The following PKN2 variants were observed in gnomAD, a reference collection of about 807,000 sequenced individuals.
PKN2 encodes the protein protein kinase N2.
A neutral mutation model predicts 119.1 loss-of-function variants in PKN2; 38 were observed. That is an observed-to-expected ratio of 0.32 (90% CI 0.25 to 0.42). The LOEUF is 0.42. Among genes scored for constraint, PKN2 ranks in the 10% least tolerant of loss-of-function variants. The probability of loss-of-function intolerance (pLI) is 1.00; values close to 1 mark genes in which losing one functional copy is unlikely to be tolerated. For missense variants in PKN2, 850 were observed against 1,165.1 expected, an observed-to-expected ratio of 0.73 and a Z score of 3.94; for synonymous variants, 390 against 384.9, an observed-to-expected ratio of 1.01 and a Z score of -0.15.
chr1:88,745,731 A>G (rs967852112), intron 2 of PKN2, among the ~76,000 whole-genome samples: 9 of 152,178 alleles, frequency 5.9e-5, no homozygotes, highest in Non-Finnish European at 7.4e-5. Context: ...CAGAAATAGA[A>G]AAAGAAATCC....
intron 1 of PKN2, among the ~76,000 whole-genome samples, chr1:88,721,323 G>A (rs1220818788): frequency 6.6e-6 from 1 of 152,018 alleles, no homozygotes; most frequent in Non-Finnish European, 1.5e-5. Context: ...CATTCTTGAA[G>A]GAATGGCCTT....
Position 88,760,364 on chromosome 1 carries a change from T to C in PKN2, c.492T>C (p.Asn164=). The change falls in exon 3 of 22, where the codon AAT becomes AAC. Residue 164 remains asparagine (N), a synonymous_variant. Transcript: ENST00000370521. ...AGAATATGATACAGATGTATTCAAATGGATCTTCAAAGGTAAGTGTAGTTA... is the reference window on the plus strand; with the variant it reads ...AGAATATGATACAGATGTATTCAAACGGATCTTCAAAGGTAAGTGTAGTTA... ...GAENMIQMYS[N]GSSKDRKLHG... is the part of the protein sequence containing the mutation. The C allele has an allele frequency of 1.3e-6, 2 of 1,525,704 alleles. No individual in the cohort carries two copies. The highest frequency in any genetic ancestry group is 1.8e-6 in the Non-Finnish European group (2 of 1,115,350). 94.5% of individuals were successfully genotyped at this position (1,525,704 alleles called of 1,614,324 possible).
chr1:88,732,351 C>G (rs1465706310), intron 1 of PKN2, among the ~76,000 whole-genome samples: 1 of 152,094 alleles, frequency 6.6e-6, no homozygotes, highest in Non-Finnish European at 1.5e-5. Flanking sequence ...CTTAATTTAT[C>G]TTTCCCTCTA....
chr1:88,769,931 A>T (rs745419098), intron 3 of PKN2, among the ~76,000 whole-genome samples: 2 of 152,196 alleles, frequency 1.3e-5, no homozygotes, highest in South Asian at 4.1e-4. Context: ...AAAATATGCT[A>T]AGAGAGTAAA....
intron 1 of PKN2, among the ~76,000 whole-genome samples, chr1:88,686,765 T>C (rs1022983709): frequency 2.0e-5 from 3 of 152,124 alleles, no homozygotes; most frequent in Non-Finnish European, 4.4e-5. Context: ...AGACTTTTTA[T>C]TTCATTGGGT....
chr1:88,702,900 G>A (rs1243195900), intron 1 of PKN2, among the ~76,000 whole-genome samples: 2 of 152,140 alleles, frequency 1.3e-5, no homozygotes, highest in African/African-American at 2.4e-5. Context: ...TTTCTTTATT[G>A]TTGTGGTCAG....
chr1:88,685,325 T>G (rs1184383055), intron 1 of PKN2: 1 of 151,650 alleles, frequency 6.6e-6, no homozygotes, highest in Admixed American at 6.6e-5. Context: ...ATCCGGGAGC[T>G]CAGATGCTGA....
At position 88,804,385 on chromosome 1, in the gene PKN2, T is replaced by A; in HGVS notation, c.1282-6T>A. ...TTTTCTTTATTATTTTTTTTAATTATCCTAGTCACGTGAACTGGAAATTTC... is the reference window on the plus strand; with the variant it reads ...TTTTCTTTATTATTTTTTTTAATTAACCTAGTCACGTGAACTGGAAATTTC... On this transcript the variant is annotated splice_region_variant and splice_polypyrimidine_tract_variant and intron_variant, in intron 8 of 21. Coordinates refer to ENST00000370521, the MANE Select transcript of PKN2 (RefSeq NM_006256.4). 1 of 1,601,796 alleles carries A rather than the reference T, an allele frequency of 6.2e-7. No homozygotes were observed. The highest frequency in any genetic ancestry group is 8.5e-7 in the Non-Finnish European group (1 of 1,172,688).
intron 3 of PKN2, among the ~76,000 whole-genome samples, chr1:88,762,002 A>T (rs1570591681): frequency 2.0e-5 from 3 of 152,250 alleles, no homozygotes. Context: ...TAACCCAGCT[A>T]CTGCCCTGTA....
chr1:88,758,521 C>T (rs1274863828), intron 2 of PKN2, among the ~76,000 whole-genome samples: 1 of 152,082 alleles, frequency 6.6e-6, no homozygotes, highest in Non-Finnish European at 1.5e-5. Context: ...ATGTTCCTCT[C>T]CCTCCTCCCA....
intron 8 of PKN2, among the ~76,000 whole-genome samples, chr1:88,802,665 G>A (rs1671369317): frequency 6.6e-6 from 1 of 152,214 alleles, no homozygotes; most frequent in Non-Finnish European, 1.5e-5. Flanking sequence ...TGAAGAGACA[G>A]AGGAAAGAGA....
chr1:88,770,506 A>AGATTATT, intron 4 of PKN2, 37 bp downstream of exon 4: 1 of 1,054,172 alleles, frequency 9.5e-7, no homozygotes, highest in Non-Finnish European at 1.5e-6. Flanking sequence ...TATGAGCATA[A>AGATTATT]TGGTGCTAAA....
intron 16 of PKN2, chr1:88,816,681 A>G (rs549928413): frequency 1.3e-5 from 2 of 152,110 alleles, no homozygotes; most frequent in Non-Finnish European, 2.9e-5. Context: ...TTTGTTTTTT[A>G]TTTCTGTGTT....
At chr1:88,727,848 C>T (rs1201736961) in intron 1 of PKN2, among the ~76,000 whole-genome samples, 1 of 152,194 alleles carries the variant, frequency 6.6e-6, no homozygotes, top group Non-Finnish European at 1.5e-5. Context: ...ACCACCTACT[C>T]TTGCCAGATG....
At chr1:88,734,135 G>T (rs1668247196) in intron 1 of PKN2, among the ~76,000 whole-genome samples, 2 of 151,376 alleles carry the variant, frequency 1.3e-5, no homozygotes, top group South Asian at 4.2e-4. Flanking sequence ...CTCCAGCCTG[G>T]GTAACAGAGT....
At chr1:88,825,059 A>G (rs1672442942) in intron 18 of PKN2, among the ~76,000 whole-genome samples, 1 of 152,178 alleles carries the variant, frequency 6.6e-6, no homozygotes, top group African/African-American at 2.4e-5. Flanking sequence ...TCTGTTTGCT[A>G]TTTAGCTTTG....
At chr1:88,778,196 T>C (rs1670184191) in intron 6 of PKN2, among the ~76,000 whole-genome samples, 1 of 152,266 alleles carries the variant, frequency 6.6e-6, no homozygotes. Context: ...GGGCACGTGT[T>C]GTCAGGACCT....
chr1:88,706,250 A>AT (rs2100675338), intron 1 of PKN2, among the ~76,000 whole-genome samples: 1 of 152,250 alleles, frequency 6.6e-6, no homozygotes, highest in Non-Finnish European at 1.5e-5. Context: ...TTTTTATGCC[A>AT]TTTTAAATGG....
rs12058963 is a variant in PKN2, at chr1:88,701,770, T to C, written c.48+17142T>C. 7.8e-3 allele frequency among the ~76,000 whole-genome samples: 1,182 copies of C among 152,336 alleles called. 7 individuals carry two copies. The highest frequency in any genetic ancestry group is 0.027 in the African/African-American group (1,109 of 41,568). ...CTTTGAGAAGCATCTATTTCATTTATTGATGACTTTAGATTTCTAGTTAGC... is the reference window on the plus strand; with the variant it reads ...CTTTGAGAAGCATCTATTTCATTTACTGATGACTTTAGATTTCTAGTTAGC... On this transcript the variant is annotated intron_variant, in intron 1 of 21. Coordinates refer to ENST00000370521, the MANE Select transcript of PKN2 (RefSeq NM_006256.4).
Sources: gnomAD v4.1 joint callset for allele counts (sites outside exome capture counted in the v4.1 genomes callset) on GRCh38, gnomAD v4.1.1 for gene constraint, MANE v1.5 for transcripts, NCBI Gene and HGNC (gene_info 2026-07-23, HGNC 2026-07-21) for gene names.